Variants in ABL2 observed in about 807,000 individuals in gnomAD.
The protein encoded by ABL2 is ABL proto-oncogene 2, non-receptor tyrosine kinase.
Under a neutral mutation model 107.7 loss-of-function variants are expected in ABL2, and 49 were observed. The observed-to-expected ratio is 0.45, with a 90% CI of 0.36 to 0.58. The LOEUF is 0.58. ABL2 is among the 20% of genes least tolerant of loss of function. ABL2 has a pLI of 0.00. For synonymous variants in ABL2, 549 were observed against 548.6 expected (o/e 1.00, Z -0.01); for missense variants, 1,245 against 1,457.0 (o/e 0.85, Z 2.37).
chr1:179,157,902 T>C (rs1043009944), intron 1 of ABL2, among the ~76,000 whole-genome samples: 1 of 152,088 alleles, frequency 6.6e-6, no homozygotes, highest in Non-Finnish European at 1.5e-5. Context: ...TAGGAGCTAG[T>C]AGAGTTTCTT....
chr1:179,184,638 A>AGAT (rs768138521), intron 1 of ABL2: 11 of 509,012 alleles, frequency 2.2e-5, no homozygotes, highest in East Asian at 3.9e-5. Flanking sequence ...ATGAGGAAGA[A>AGAT]GATGATGATG....
chr1:179,190,765 G>T (rs1182991092), intron 1 of ABL2, among the ~76,000 whole-genome samples: 2 of 152,136 alleles, frequency 1.3e-5, no homozygotes, highest in African/African-American at 4.8e-5. Flanking sequence ...CTAATCACCA[G>T]TGAGAGTCCT....
At chr1:179,114,442 TAAAC>T (rs1003955340) in intron 9 of ABL2, among the ~76,000 whole-genome samples, 2 of 152,038 alleles carry the variant, frequency 1.3e-5, no homozygotes, top group Non-Finnish European at 1.5e-5. Flanking sequence ...ACAACACAAA[TAAAC>T]AAACAAACAA....
intron 10 of ABL2, 25 bp from the exon 11 acceptor site, chr1:179,110,480 T>A: frequency 6.3e-7 from 1 of 1,579,228 alleles, no homozygotes; most frequent in Non-Finnish European, 8.6e-7. Flanking sequence ...AGGGGACCAA[T>A]AAAAAGAACA....
intron 1 of ABL2, among the ~76,000 whole-genome samples, chr1:179,138,873 C>A (rs992686313): frequency 6.6e-6 from 1 of 152,220 alleles, no homozygotes; most frequent in Non-Finnish European, 1.5e-5. Context: ...GGCTGCCTGC[C>A]GCGCTTGCGG....
intron 1 of ABL2, chr1:179,201,813 G>T: frequency 2.8e-6 from 3 of 1,078,236 alleles, no homozygotes; most frequent in Non-Finnish European, 4.0e-6. Context: ...TGGCCATAAA[G>T]GTGTGGCTAT....
At chr1:179,208,966 G>A (rs1365341694) in intron 1 of ABL2, among the ~76,000 whole-genome samples, 1 of 152,094 alleles carries the variant, frequency 6.6e-6, no homozygotes, top group Non-Finnish European at 1.5e-5. Context: ...GCAAAAAATA[G>A]GCACTAACAA....
Position 179,107,857 on chromosome 1 carries a change from C to T in ABL2, c.3410G>A (p.Arg1137Gln), listed in dbSNP as rs1653588125. ...IPQTRNKFAF[R>Q]EAVSKLELSL... Reference sequence around the variant, plus strand: ...GAGTTCCAGTTTGCTCACAGCCTCTCGGAAGGCAAATTTGTTGCGAGTTTG... The same window carrying T: ...GAGTTCCAGTTTGCTCACAGCCTCTTGGAAGGCAAATTTGTTGCGAGTTTG... Residue 1137 changes from arginine (R) to glutamine (Q), a missense_variant, in exon 12 of 12, where the codon CGA becomes CAA. By Grantham distance (43) the Arg-to-Gln change is conservative. This residue lies in a region of ABL2 where 761 missense variants were observed against 766.4 expected (regional missense o/e 0.99). Coordinates refer to ENST00000502732, the MANE Select transcript of ABL2 (RefSeq NM_007314.4). 1 of 1,614,178 alleles carries T rather than the reference C, an allele frequency of 6.2e-7. No homozygotes were observed. Among genetic ancestry groups the T allele is most frequent in the Non-Finnish European group, 8.5e-7 (1 of 1,180,036 alleles).
At chr1:179,121,494 G>T in intron 5 of ABL2, 101 bp downstream of exon 5, 1 of 1,455,860 alleles carries the variant, frequency 6.9e-7, no homozygotes. Flanking sequence ...GCACTAGTGG[G>T]TGGAAAGTGT....
chr1:179,138,900 G>C (rs1171159702), intron 1 of ABL2, among the ~76,000 whole-genome samples: 1 of 152,234 alleles, frequency 6.6e-6, no homozygotes, highest in African/African-American at 2.4e-5. Context: ...TGGAGTTCCG[G>C]GTGGGCGTGG....
At chr1:179,181,617 G>T (rs748640590) in intron 1 of ABL2, among the ~76,000 whole-genome samples, 1 of 152,038 alleles carries the variant, frequency 6.6e-6, no homozygotes, top group Non-Finnish European at 1.5e-5. Context: ...ACACTCTAAT[G>T]CACCCTGTCA....
intron 10 of ABL2, chr1:179,110,778 G>A (rs758571283): frequency 6.2e-7 from 1 of 1,613,948 alleles, no homozygotes; most frequent in Non-Finnish European, 8.5e-7. Flanking sequence ...TACGTTGCTA[G>A]CATCATCCTG....
intron 3 of ABL2, 53 bp downstream of exon 3, chr1:179,131,258 C>T: frequency 6.3e-7 from 1 of 1,580,618 alleles, no homozygotes; most frequent in East Asian, 2.3e-5. Context: ...CCCTTTATCT[C>T]TTAATCATTA....
chr1:179,165,186 A>C (rs1238471820), intron 1 of ABL2, among the ~76,000 whole-genome samples: 1 of 152,176 alleles, frequency 6.6e-6, no homozygotes, highest in Non-Finnish European at 1.5e-5. Flanking sequence ...ATAATTTATC[A>C]ATGTATTAAT....
chr1:179,211,298 G>A (rs1195052700), intron 1 of ABL2, among the ~76,000 whole-genome samples: 1 of 152,068 alleles, frequency 6.6e-6, no homozygotes, highest in Admixed American at 6.6e-5. Context: ...CGGGAGAATT[G>A]CTTTGAGCCC....
intron 1 of ABL2, among the ~76,000 whole-genome samples, chr1:179,174,914 TAA>T (rs200287014): frequency 7.2e-5 from 8 of 110,844 alleles, no homozygotes; most frequent in East Asian, 2.6e-4. Flanking sequence ...AAAAATAAAA[TAA>T]AAAAAATAAT....
chr1:179,228,771 C>T (rs770272415), intron 1 of ABL2, among the ~76,000 whole-genome samples: 2 of 152,182 alleles, frequency 1.3e-5, no homozygotes, highest in African/African-American at 2.4e-5. Context: ...CACTGCTCAT[C>T]ACCTAACGTA....
chr1:179,132,484 C>T (rs561653425), intron 2 of ABL2, among the ~76,000 whole-genome samples: 2 of 152,130 alleles, frequency 1.3e-5, no homozygotes, highest in Admixed American at 6.5e-5. Flanking sequence ...TGTCATATAA[C>T]AACACTTTTA....
At position 179,126,404 on chromosome 1, in the gene ABL2, G is replaced by A. The variant is rs568154072; in HGVS notation, c.660C>T (p.Tyr220=). 3.1e-6 allele frequency: 5 copies of A among 1,614,160 alleles called. No homozygotes were observed. In the South Asian group the frequency reaches 5.5e-5, roughly 18 times the overall value. Residue 220 remains tyrosine, a synonymous_variant, in exon 4 of 12, where the codon TAC becomes TAT. Transcript: ENST00000502732. The surrounding 1 kb of genome is among the most constrained non-coding windows in gnomAD (Gnocchi z 4.4). ...TGCCATCTGCAGTGGTATTGATCCTGTAGTGATACACACGTCCCTCGTACC... is the reference window on the plus strand; with the variant it reads ...TGCCATCTGCAGTGGTATTGATCCTATAGTGATACACACGTCCCTCGTACC... The part of the protein sequence containing the change: ...SLRYEGRVYH[Y]RINTTADGKV...
Sources: gnomAD v4.1 joint callset for allele counts (sites outside exome capture counted in the v4.1 genomes callset) on GRCh38, gnomAD v4.1.1 for gene constraint, gnomAD v4.1.1 regional missense constraint, Gnocchi (gnomAD v3.1) non-coding constraint, MANE v1.5 for transcripts, NCBI Gene and HGNC (gene_info 2026-07-23, HGNC 2026-07-21) for gene names.